Variants in MAGI2 observed in about 807,000 individuals in gnomAD.
MAGI2 encodes the protein membrane associated guanylate kinase, WW and PDZ domain containing 2, also known as membrane-associated guanylate kinase, WW and PDZ domain-containing protein 2.
In MAGI2, 35 loss-of-function variants were observed where a neutral mutation model predicts 133.3. The observed-to-expected ratio is 0.26, with a 90% CI of 0.20 to 0.35. The LOEUF is 0.35. Ranked by LOEUF, MAGI2 falls within the 10% of genes least tolerant of loss-of-function variation. MAGI2 has a pLI of 1.00. For missense variants in MAGI2, 1,636 were observed against 1,863.4 expected, an observed-to-expected ratio of 0.88 and a Z score of 2.25; for synonymous variants, 729 against 710.6, an observed-to-expected ratio of 1.03 and a Z score of -0.41.
intron 6 of MAGI2, among the ~76,000 whole-genome samples, chr7:78,375,179 A>G (rs73367648): frequency 2.6e-5 from 4 of 152,240 alleles, no homozygotes; most frequent in African/African-American, 7.2e-5. Context: ...ATTCAAGAGA[A>G]TGACTTTTAA....
At chr7:78,521,315 A>C in intron 4 of MAGI2, 115 bp downstream of exon 4, 1 of 629,628 alleles carries the variant, frequency 1.6e-6, no homozygotes, top group South Asian at 2.4e-5. Flanking sequence ...ATATATATGT[A>C]TATATTTATC....
At chr7:79,094,874 T>C (rs1224341843) in intron 1 of MAGI2, among the ~76,000 whole-genome samples, 2 of 152,204 alleles carry the variant, frequency 1.3e-5, no homozygotes, top group Non-Finnish European at 2.9e-5. Context: ...TGTTTTTCAA[T>C]TTATGGAACA....
At chr7:79,433,702 T>G (rs1373187326) in intron 1 of MAGI2, among the ~76,000 whole-genome samples, 1 of 152,176 alleles carries the variant, frequency 6.6e-6, no homozygotes, top group Non-Finnish European at 1.5e-5. Context: ...TTTAAATTGT[T>G]GCCCCTAAGT....
At chr7:79,338,638 G>A (rs929476987) in intron 1 of MAGI2, among the ~76,000 whole-genome samples, 1 of 152,054 alleles carries the variant, frequency 6.6e-6, no homozygotes, top group South Asian at 2.1e-4. Context: ...TGACATGTAC[G>A]TTTTTTTCTG....
chr7:78,695,537 A>T (rs759163844), intron 2 of MAGI2, among the ~76,000 whole-genome samples: 8 of 152,128 alleles, frequency 5.3e-5, no homozygotes, highest in Non-Finnish European at 1.2e-4. Context: ...AGTTCTTTCA[A>T]TGTAGTCATA....
intron 9 of MAGI2, among the ~76,000 whole-genome samples, chr7:78,320,957 C>T (rs1161392678): frequency 1.3e-5 from 2 of 152,192 alleles, no homozygotes; most frequent in African/African-American, 2.4e-5. Flanking sequence ...GCAAAAATCA[C>T]AAGCATTCCT....
intron 2 of MAGI2, among the ~76,000 whole-genome samples, chr7:78,708,743 A>G (rs1490471516): frequency 6.6e-6 from 1 of 152,118 alleles, no homozygotes. Context: ...CCCTCACATC[A>G]ACCCTTTAAG....
chr7:79,294,745 T>TC (rs1554435770), intron 1 of MAGI2, among the ~76,000 whole-genome samples: 1 of 144,104 alleles, frequency 6.9e-6, no homozygotes, highest in Non-Finnish European at 1.5e-5. Flanking sequence ...TTTTTTTTTT[T>TC]CTGAGACGGA....
At chr7:79,421,462 G>A (rs1278640927) in intron 1 of MAGI2, among the ~76,000 whole-genome samples, 2 of 151,904 alleles carry the variant, frequency 1.3e-5, no homozygotes, top group Admixed American at 1.3e-4. Flanking sequence ...GTAATAGCAT[G>A]ACAGTTCTAT....
At chr7:78,761,588 C>T (rs1824520172) in intron 2 of MAGI2, among the ~76,000 whole-genome samples, 1 of 151,780 alleles carries the variant, frequency 6.6e-6, no homozygotes. Flanking sequence ...GCCTCAGCCT[C>T]CTGAGTAGCT....
intron 3 of MAGI2, among the ~76,000 whole-genome samples, chr7:78,532,304 A>T (rs1421213220): frequency 6.6e-6 from 1 of 152,264 alleles, no homozygotes; most frequent in Non-Finnish European, 1.5e-5. Context: ...ACTAAAGTCA[A>T]CAATTTCACT....
chr7:78,888,842 G>A (rs1454960846), intron 2 of MAGI2, among the ~76,000 whole-genome samples: 13 of 152,154 alleles, frequency 8.5e-5, no homozygotes, highest in Non-Finnish European at 1.5e-4. Flanking sequence ...CCAAAGGAAC[G>A]CAGCTACTCA....
At chr7:78,800,698 A>C (rs1177451076) in intron 2 of MAGI2, among the ~76,000 whole-genome samples, 2 of 152,152 alleles carry the variant, frequency 1.3e-5, no homozygotes, top group African/African-American at 2.4e-5. Context: ...TCTGTGGCTA[A>C]TACTTGAAAA....
chr7:79,453,162 G>A lies in MAGI2; in HGVS notation c.159C>T (p.Ala53=). The A allele has an allele frequency of 6.2e-7, 1 of 1,614,004 alleles. No homozygotes were observed. Among genetic ancestry groups the A allele is most frequent in the Non-Finnish European group, 8.5e-7 (1 of 1,180,026 alleles). The change falls in exon 1 of 22, where the codon GCC becomes GCT. Residue 53 remains alanine (A), a synonymous_variant. Coordinates refer to ENST00000354212, the MANE Select transcript of MAGI2 (RefSeq NM_012301.4). The part of the protein sequence containing the change: ...YLGEVKPGKV[A]YESGSKLVSE... ...ACACCAATTTGCTGCCGCTCTCATAGGCCACCTTGCCGGGCTTCACCTCCC... is the reference window on the plus strand; with the variant it reads ...ACACCAATTTGCTGCCGCTCTCATAAGCCACCTTGCCGGGCTTCACCTCCC...
intron 2 of MAGI2, among the ~76,000 whole-genome samples, chr7:78,712,474 G>A (rs779791902): frequency 5.3e-5 from 8 of 152,192 alleles, no homozygotes; most frequent in East Asian, 1.9e-4. Context: ...ACAAGAAGGC[G>A]TTGATTCCCA....
chr7:79,439,942 C>T (rs1169900423), intron 1 of MAGI2, among the ~76,000 whole-genome samples: 1 of 152,024 alleles, frequency 6.6e-6, no homozygotes, highest in African/African-American at 2.4e-5. Context: ...ATTCTTCAAC[C>T]CTGTGACATG....
chr7:78,221,054 C>T (rs1172958393), intron 10 of MAGI2, among the ~76,000 whole-genome samples: 1 of 152,174 alleles, frequency 6.6e-6, no homozygotes, highest in East Asian at 1.9e-4. Context: ...TGCCATGTTG[C>T]CAGGTCACTT....
intron 10 of MAGI2, among the ~76,000 whole-genome samples, chr7:78,217,495 T>A (rs1298375602): frequency 6.6e-6 from 1 of 152,220 alleles, no homozygotes; most frequent in Non-Finnish European, 1.5e-5. Flanking sequence ...ATGTAGCAGT[T>A]TGTCATTGAA....
intron 1 of MAGI2, among the ~76,000 whole-genome samples, chr7:79,258,714 T>TG (rs1298963970): frequency 2.6e-5 from 4 of 152,184 alleles, no homozygotes; most frequent in Non-Finnish European, 4.4e-5. Flanking sequence ...ACTATGGCCT[T>TG]GAACTCCTCG....
Sources: allele counts gnomAD v4.1 joint callset (sites outside exome capture counted in the v4.1 genomes callset), GRCh38; gene constraint gnomAD v4.1.1; transcripts MANE v1.5; gene names NCBI Gene and HGNC (gene_info 2026-07-23, HGNC 2026-07-21).